Variants in SLC2A5 observed in about 807,000 individuals in gnomAD.
SLC2A5 encodes the protein solute carrier family 2 member 5.
In SLC2A5, 56 loss-of-function variants were observed where a neutral mutation model predicts 50.3. The ratio of observed to expected loss-of-function variants is 1.11; its 90% CI spans 0.90 to 1.39. SLC2A5 has a LOEUF of 1.39. Ranked by LOEUF, SLC2A5 falls within the 40% of genes most tolerant of loss-of-function variation. The probability of loss-of-function intolerance (pLI) is 0.00; values close to 1 mark genes in which losing one functional copy is unlikely to be tolerated. For synonymous variants in SLC2A5, 269 were observed against 281.9 expected (o/e 0.95, Z 0.46); for missense variants, 566 against 650.1 (o/e 0.87, Z 1.41).
Position 9,069,578 on chromosome 1 carries a change from C to T in SLC2A5, c.-42G>A. ...CAGAGTGCCGCTCACCTCCTTTTAG[C>T]CAAAGTAACGCGTGCACTGAATGGA... On this transcript the variant is annotated 5_prime_UTR_variant, in exon 1 of 12. Transcript: ENST00000377424. 6.2e-7 allele frequency: 1 copy of T among 1,611,858 alleles called. No homozygotes were observed. Among genetic ancestry groups the T allele is most frequent in the Non-Finnish European group, 8.5e-7 (1 of 1,178,340 alleles).
At chr1:9,051,214 GA>G (rs1034663721) in intron 3 of SLC2A5, among the ~76,000 whole-genome samples, 14 of 144,624 alleles carry the variant, frequency 9.7e-5, no homozygotes, top group African/African-American at 1.8e-4. Context: ...AGGAAGGAGG[GA>G]AAAAAAGAAA....
Position 9,039,956 on chromosome 1 carries a change from C to A in SLC2A5, c.729G>T (p.Val243=). 6.2e-7 allele frequency: 1 copy of A among 1,612,726 alleles called. No individual in the cohort carries two copies. Among genetic ancestry groups the A allele is most frequent in the Non-Finnish European group, 8.5e-7 (1 of 1,179,588 alleles). The part of the protein sequence containing the change: ...ALQTLRGWDS[V]DREVAEIRQE... Reference sequence around the variant, plus strand: ...GCCGGATCTCGGCCACCTCCCTGTCCACAGAGTCCCAGCCGCGCAGCGTCT... The same window carrying A: ...GCCGGATCTCGGCCACCTCCCTGTCAACAGAGTCCCAGCCGCGCAGCGTCT... Residue 243 remains valine, a synonymous_variant, in exon 7 of 12, where the codon GTG becomes GTT. Coordinates refer to ENST00000377424, the MANE Select transcript of SLC2A5 (RefSeq NM_003039.3).
intron 4 of SLC2A5, among the ~76,000 whole-genome samples, chr1:9,043,950 G>A (rs1372116623): frequency 6.8e-6 from 1 of 147,092 alleles, no homozygotes; most frequent in Admixed American, 6.8e-5. Context: ...CTGAACTCCC[G>A]ACCTCAGGTG....
chr1:9,092,633 C>T (rs921517804), upstream of SLC2A5, among the ~76,000 whole-genome samples: 3 of 152,148 alleles, frequency 2.0e-5, no homozygotes, highest in Admixed American at 6.5e-5. Flanking sequence ...GATACCTTTT[C>T]GGGATGGGTT....
rs1406906230 is a variant in SLC2A5, at chr1:9,036,827, CG to C, written c.*758del. The C allele has an allele frequency of 7.0e-6, 1 of 143,556 alleles. No homozygotes were observed. The highest frequency in any genetic ancestry group is 1.5e-5 in the Non-Finnish European group (1 of 66,754). The allele number at this position is 143,556 out of a possible 1,614,324, so 8.9% of individuals were successfully genotyped here. On this transcript the variant is annotated 3_prime_UTR_variant, in exon 12 of 12. Coordinates refer to ENST00000377424, the MANE Select transcript of SLC2A5 (RefSeq NM_003039.3). ...CTGCACTCCAGCCTGGGTGACAGAG[CG>C]AGACTCCGTCTTAAAAAAAAAAAAA... is the stretch of plus-strand genomic sequence containing the variant.
intron 1 of SLC2A5, among the ~76,000 whole-genome samples, chr1:9,064,524 G>A (rs550318476): frequency 1.3e-5 from 2 of 152,098 alleles, no homozygotes; most frequent in African/African-American, 2.4e-5. Context: ...AGAACATTTT[G>A]AGACTTTAGT....
chr1:9,060,119 TACACACACACAAC>T (rs1488826161), intron 1 of SLC2A5, among the ~76,000 whole-genome samples: 1 of 129,272 alleles, frequency 7.7e-6, no homozygotes, highest in African/African-American at 3.1e-5. Context: ...ACACACACTA[TACACACACACAAC>T]ACACACACTA....
chr1:9,039,512 G>A, intron 8 of SLC2A5, 40 bp downstream of exon 8: 2 of 1,461,524 alleles, frequency 1.4e-6, no homozygotes, highest in South Asian at 1.2e-5. Context: ...GGCCCGAGGG[G>A]CCTTGGGTGG....
chr1:9,058,119 C>G (rs1379765876), intron 2 of SLC2A5, 33 bp downstream of exon 2: 2 of 1,531,524 alleles, frequency 1.3e-6, no homozygotes, highest in Non-Finnish European at 1.8e-6. Context: ...CTCCAAACGT[C>G]CTCCCCACAT....
rs1450343259 is a variant in SLC2A5 at position 9,035,915 on chromosome 1, C to T, written c.*1671G>A. 1 of 152,168 alleles carries T rather than the reference C, an allele frequency of 6.6e-6. No homozygotes were observed. Among genetic ancestry groups the T allele is most frequent in the Non-Finnish European group, 1.5e-5 (1 of 68,042 alleles). The allele number at this position is 152,168 out of a possible 1,614,324, so 9.4% of individuals were successfully genotyped here. A position where few individuals can be genotyped will look rare whatever the true frequency, so the allele number is the denominator to read the frequency against. On this transcript the variant is annotated 3_prime_UTR_variant, in exon 12 of 12. Transcript: ENST00000377424. ...TTTACCCCTTACAGAACCATCAGAT[C>T]TCATGAGGCTGATTCACTACCATGA...
intron 2 of SLC2A5, among the ~76,000 whole-genome samples, chr1:9,080,323 T>C (rs1642338096): frequency 6.6e-6 from 1 of 152,246 alleles, no homozygotes; most frequent in Non-Finnish European, 1.5e-5. Flanking sequence ...TTTGGATATA[T>C]ACCCAGAAGT....
chr1:9,073,692 T>C (rs997854176), upstream of SLC2A5, among the ~76,000 whole-genome samples: 1 of 152,260 alleles, frequency 6.6e-6, no homozygotes, highest in Admixed American at 6.5e-5. Flanking sequence ...CAGGAAGATA[T>C]TCTACCAAAG....
upstream of SLC2A5, among the ~76,000 whole-genome samples, chr1:9,089,191 C>T (rs1642437123): frequency 6.6e-6 from 1 of 152,188 alleles, no homozygotes; most frequent in Non-Finnish European, 1.5e-5. Flanking sequence ...GAGATGCTGG[C>T]ATCAGATAAA....
intron 1 of SLC2A5, among the ~76,000 whole-genome samples, chr1:9,058,547 C>T (rs955548600): frequency 1.3e-5 from 2 of 152,160 alleles, no homozygotes; most frequent in Admixed American, 6.5e-5. Context: ...CTGCGACAAC[C>T]CAAATGTCTT....
At position 9,065,912 on chromosome 1, in the gene SLC2A5, C is replaced by G. The variant is rs75807517; in HGVS notation, c.33+3592G>C. On this transcript the variant is annotated intron_variant, in intron 1 of 11. Transcript: ENST00000377424. Reference sequence around the variant, plus strand: ...TGAGCCGTGATTGTGCCACTGTACTCCTGCCTGGGTGATAGAGCCAGACCC... The same window carrying G: ...TGAGCCGTGATTGTGCCACTGTACTGCTGCCTGGGTGATAGAGCCAGACCC... 4.6e-5 allele frequency among the ~76,000 whole-genome samples: 7 copies of G among 152,010 alleles called. No individual in the cohort carries two copies. The East Asian group carries it at 1.4e-3, about 29-fold the overall frequency.
At chr1:9,091,549 C>T (rs1642462864), upstream of SLC2A5, among the ~76,000 whole-genome samples, 2 of 152,188 alleles carry the variant, frequency 1.3e-5, no homozygotes, top group African/African-American at 4.8e-5. Flanking sequence ...ATCTCATCCT[C>T]TCATGTGCAA....
In SLC2A5 at chr1:9,038,417, C is replaced by T; in HGVS notation, c.1174+14G>A. 11 of 1,607,316 alleles carry T rather than the reference C, an allele frequency of 6.8e-6. No homozygotes were observed. The highest frequency in any genetic ancestry group is 9.4e-6 in the Non-Finnish European group (11 of 1,174,238). On this transcript the variant is annotated intron_variant, in intron 10 of 11. Coordinates refer to ENST00000377424, the MANE Select transcript of SLC2A5 (RefSeq NM_003039.3). ...GGGGGTTGTGACACCCTGAGGCCAG[C>T]TTTGGGTACGTACTGGGCCCGAGGG... is the stretch of plus-strand genomic sequence containing the variant.
At chr1:9,055,792 T>C (rs1452940114) in intron 3 of SLC2A5, among the ~76,000 whole-genome samples, 1 of 151,978 alleles carries the variant, frequency 6.6e-6, no homozygotes, top group African/African-American at 2.4e-5. Context: ...GGCAGACACC[T>C]GTAATCCCAG....
intron 1 of SLC2A5, among the ~76,000 whole-genome samples, chr1:9,059,536 CTTT>C (rs58395185): frequency 1.1e-4 from 11 of 98,396 alleles, no homozygotes; most frequent in East Asian, 6.9e-4. Context: ...TACAGAGAAT[CTTT>C]TTTTTTTTTT....
Sources: gnomAD v4.1 joint callset for allele counts (sites outside exome capture counted in the v4.1 genomes callset) on GRCh38, gnomAD v4.1.1 for gene constraint, MANE v1.5 for transcripts, NCBI Gene and HGNC (gene_info 2026-07-23, HGNC 2026-07-21) for gene names.